FRMPD4: variants seen among roughly 807,000 people sequenced by gnomAD.
FRMPD4 encodes FERM and PDZ domain containing 4.
FRMPD4 carries 22 observed loss-of-function variants against 94.1 expected under a neutral mutation model. That is an observed-to-expected ratio of 0.23 (90% CI 0.17 to 0.33). The LOEUF is 0.33. Among genes scored for constraint, FRMPD4 ranks in the 10% least tolerant of loss-of-function variants. FRMPD4 has a pLI of 1.00. For synonymous variants in FRMPD4, 631 were observed against 548.6 expected (o/e 1.15, Z -2.10); for missense variants, 1,111 against 1,339.9 (o/e 0.83, Z 2.67).
chrX:12,193,741 T>C (rs2056518326), intron 1 of FRMPD4, among the ~76,000 whole-genome samples: 1 of 63,912 alleles, frequency 1.6e-5, no homozygotes, highest in South Asian at 9.9e-4. Context: ...CTGTGAATTA[T>C]CCGAAAGAAA....
At chrX:12,521,202 T>G (rs1249796432) in intron 2 of FRMPD4, among the ~76,000 whole-genome samples, 2 of 112,399 alleles carry the variant, frequency 1.8e-5, no homozygotes, top group Non-Finnish European at 3.8e-5. Context: ...CCACAGGCTA[T>G]AGTTTGCAGA....
In FRMPD4 at chrX:12,718,038, G is replaced by C; in HGVS notation, c.3212G>C (p.Arg1071Pro). The C allele has an allele frequency of 8.3e-7, 1 of 1,211,723 alleles. No individual in the cohort carries two copies. Among genetic ancestry groups the C allele is most frequent in the Non-Finnish European group, 1.1e-6 (1 of 895,239 alleles). ...ASGKFGTVSS[R>P]DSQHLSTFNL... is the part of the protein sequence containing the mutation. ...GGTAAATTTGGTACTGTGTCTTCAC[G>C]AGACAGTCAACACCTGAGCACTTTT... The change falls in exon 16 of 17, where the codon CGA (arginine) becomes CCA (proline). Residue 1071 changes from arginine to proline, a missense_variant. Arg to Pro is a moderately radical substitution (Grantham distance 103, BLOSUM62 -2). Coordinates refer to ENST00000675598, the MANE Select transcript of FRMPD4 (RefSeq NM_001368397.1).
intron 1 of FRMPD4, among the ~76,000 whole-genome samples, chrX:12,435,228 T>C (rs2057052065): frequency 9.0e-6 from 1 of 111,636 alleles, no homozygotes; most frequent in Non-Finnish European, 1.9e-5. Context: ...GCATTTAGAG[T>C]CTTAATGATT....
chrX:12,620,847 A>G (rs61063327), intron 4 of FRMPD4, among the ~76,000 whole-genome samples: 3,014 of 112,488 alleles, frequency 0.027, 92 homozygotes, highest in African/African-American at 0.091. Flanking sequence ...TGGCTCCACT[A>G]CAATTGCAGA....
chrX:12,623,466 G>C (rs1285439607), intron 4 of FRMPD4, among the ~76,000 whole-genome samples: 1 of 45,365 alleles, frequency 2.2e-5, no homozygotes, highest in Non-Finnish European at 4.3e-5. Context: ...TACCCAGTTA[G>C]AGGAACAGAA....
chrX:11,858,238 A>G (rs1011252016), intron 1 of FRMPD4, among the ~76,000 whole-genome samples: 2 of 111,878 alleles, frequency 1.8e-5, no homozygotes, highest in African/African-American at 6.5e-5. Context: ...TTCTATTATA[A>G]AGACATATGT....
chrX:11,956,438 T>A, intron 3 of FRMPD4, among the ~76,000 whole-genome samples: 1 of 112,134 alleles, frequency 8.9e-6, no homozygotes, highest in Non-Finnish European at 1.9e-5. Context: ...TCTATTCTAA[T>A]GTAAGAAAGC....
intron 1 of FRMPD4, among the ~76,000 whole-genome samples, chrX:12,321,265 C>G (rs1466033238): frequency 9.0e-6 from 1 of 111,704 alleles, no homozygotes; most frequent in Admixed American, 9.5e-5. Flanking sequence ...CAGAGTCATA[C>G]CTGATAAAGA....
chrX:12,340,452 G>A (rs6640972), intron 1 of FRMPD4, among the ~76,000 whole-genome samples: 19,972 of 110,850 alleles, frequency 0.18, 4,473 homozygotes, highest in African/African-American at 0.62. Context: ...TAGTTGGGAA[G>A]GAGGTCAAAG....
intron 3 of FRMPD4, among the ~76,000 whole-genome samples, chrX:12,078,919 G>T (rs370416719): frequency 1.8e-5 from 2 of 111,614 alleles, no homozygotes; most frequent in Non-Finnish European, 3.8e-5. Flanking sequence ...CTAAGCCAGG[G>T]TCTTTCCCCA....
At chrX:12,206,274 A>T (rs1322143910) in intron 1 of FRMPD4, among the ~76,000 whole-genome samples, 1 of 112,178 alleles carries the variant, frequency 8.9e-6, no homozygotes, top group East Asian at 2.8e-4. Flanking sequence ...GTATTTAATA[A>T]ATGTTGTTTT....
At chrX:12,049,779 G>C (rs1305647523) in intron 3 of FRMPD4, among the ~76,000 whole-genome samples, 1 of 111,425 alleles carries the variant, frequency 9.0e-6, no homozygotes, top group Non-Finnish European at 1.9e-5. Flanking sequence ...CTGCCAGTGG[G>C]ACAAGTTGGG....
chrX:11,899,379 T>C (rs1042103827), intron 3 of FRMPD4, among the ~76,000 whole-genome samples: 10 of 79,238 alleles, frequency 1.3e-4, no homozygotes, highest in Non-Finnish European at 2.2e-4. Context: ...ACGAGTGATG[T>C]TGACTTTTTT....
chrX:12,346,761 G>A (rs1156313244), intron 1 of FRMPD4, among the ~76,000 whole-genome samples: 1 of 111,492 alleles, frequency 9.0e-6, no homozygotes, highest in Non-Finnish European at 1.9e-5. Flanking sequence ...TGATTCAAAT[G>A]GATGCTTTCA....
At chrX:12,243,565 C>T (rs1474505324) in intron 1 of FRMPD4, among the ~76,000 whole-genome samples, 1 of 110,514 alleles carries the variant, frequency 9.0e-6, no homozygotes, top group Non-Finnish European at 1.9e-5. Flanking sequence ...CGGGGCATCT[C>T]TATAAGATTG....
intron 2 of FRMPD4, among the ~76,000 whole-genome samples, chrX:12,575,117 A>G (rs2058797372): frequency 9.0e-6 from 1 of 111,630 alleles, no homozygotes; most frequent in Non-Finnish European, 1.9e-5. Context: ...GATGCCATTC[A>G]TAGAGAACCT....
intron 1 of FRMPD4, among the ~76,000 whole-genome samples, chrX:12,241,074 T>C (rs2057123870): frequency 8.9e-6 from 1 of 112,140 alleles, no homozygotes; most frequent in Non-Finnish European, 1.9e-5. Context: ...ACCAATAGGA[T>C]CCTTGAGTTT....
At chrX:12,662,919 T>TG (rs781727770) in intron 4 of FRMPD4, among the ~76,000 whole-genome samples, 12 of 112,665 alleles carry the variant, frequency 1.1e-4, no homozygotes, top group Non-Finnish European at 1.7e-4. Context: ...TGGTATCTCA[T>TG]TGTGGTTTTA....
chrX:11,987,098 TAAAAAAAAA>T (rs35377550), intron 3 of FRMPD4, among the ~76,000 whole-genome samples: 10 of 21,840 alleles, frequency 4.6e-4, no homozygotes, highest in African/African-American at 3.2e-3. Context: ...AAAGACACAT[TAAAAAAAAA>T]AAAAAAAAAA....
Sources: gnomAD v4.1 joint callset for allele counts (sites outside exome capture counted in the v4.1 genomes callset) on GRCh38, gnomAD v4.1.1 for gene constraint, MANE v1.5 for transcripts, NCBI Gene and HGNC (gene_info 2026-07-23, HGNC 2026-07-21) for gene names.